EBF1: variants seen among roughly 807,000 people sequenced by gnomAD.
EBF1 encodes the protein EBF transcription factor 1.
In EBF1, 10 loss-of-function variants were observed where a neutral mutation model predicts 68.4. The ratio of observed to expected loss-of-function variants is 0.15; its 90% CI spans 0.09 to 0.25. The LOEUF is 0.25. Ranked by LOEUF, EBF1 falls within the 10% of genes least tolerant of loss-of-function variation. EBF1 has a pLI of 1.00. For synonymous variants in EBF1, 298 were observed against 299.8 expected (o/e 0.99, Z 0.06); for missense variants, 509 against 794.4 (o/e 0.64, Z 4.32).
At chr5:159,017,970 C>T (rs557832353) in intron 6 of EBF1, among the ~76,000 whole-genome samples, 14 of 152,170 alleles carry the variant, frequency 9.2e-5, no homozygotes, top group Non-Finnish European at 1.8e-4. Flanking sequence ...GGTCTCTCTG[C>T]GGCTCCCATT....
At chr5:159,022,407 G>C (rs759334721) in intron 6 of EBF1, among the ~76,000 whole-genome samples, 2 of 152,186 alleles carry the variant, frequency 1.3e-5, no homozygotes, top group African/African-American at 2.4e-5. Context: ...GTCAGGCCTC[G>C]GGGTAAAGTG....
At chr5:158,998,887 G>A (rs1425583691) in intron 6 of EBF1, among the ~76,000 whole-genome samples, 6 of 151,984 alleles carry the variant, frequency 3.9e-5, no homozygotes, top group Admixed American at 6.6e-5. Context: ...CAACTGTGCC[G>A]GATCGCGATG....
intron 6 of EBF1, among the ~76,000 whole-genome samples, chr5:159,000,776 C>A (rs1202672530): frequency 7.9e-5 from 12 of 151,970 alleles, no homozygotes; most frequent in African/African-American, 2.9e-4. Context: ...CTCAGTGAAC[C>A]AATATTTTTC....
At chr5:158,899,802 T>C (rs1802904014) in intron 6 of EBF1, among the ~76,000 whole-genome samples, 1 of 152,130 alleles carries the variant, frequency 6.6e-6, no homozygotes, top group Non-Finnish European at 1.5e-5. Flanking sequence ...GTCAGAGCCA[T>C]GTGTTTTAGG....
chr5:159,041,480 A>G (rs1771192632), intron 6 of EBF1, among the ~76,000 whole-genome samples: 1 of 152,192 alleles, frequency 6.6e-6, no homozygotes, highest in Non-Finnish European at 1.5e-5. Context: ...TATTTTATGT[A>G]TTTCATTTCT....
intron 10 of EBF1, among the ~76,000 whole-genome samples, chr5:158,751,302 C>T (rs1049294784): frequency 3.5e-4 from 53 of 151,890 alleles, no homozygotes; most frequent in African/African-American, 1.2e-3. Flanking sequence ...GAATGAACAA[C>T]TTAGAATGAA....
At chr5:158,854,570 A>T (rs1305493657) in intron 6 of EBF1, among the ~76,000 whole-genome samples, 1 of 152,250 alleles carries the variant, frequency 6.6e-6, no homozygotes. Flanking sequence ...ACCTGTTCAC[A>T]GCTGGATTTC....
chr5:158,823,395 A>G (rs1300855436), intron 7 of EBF1, 78 bp from the exon 8 acceptor site: 2 of 1,398,804 alleles, frequency 1.4e-6, no homozygotes, highest in East Asian at 4.9e-5. Flanking sequence ...TAAATAAATA[A>G]CAGCTGGGAG....
chr5:158,838,104 G>A (rs1789250132), intron 7 of EBF1, among the ~76,000 whole-genome samples: 1 of 152,128 alleles, frequency 6.6e-6, no homozygotes, highest in Non-Finnish European at 1.5e-5. Context: ...AGAACACCAA[G>A]TTTGAAGTCA....
intron 11 of EBF1, among the ~76,000 whole-genome samples, chr5:158,727,241 C>T (rs528246361): frequency 3.3e-5 from 5 of 152,330 alleles, no homozygotes; most frequent in African/African-American, 7.2e-5. Flanking sequence ...AGCTGACACG[C>T]CTGACGCCAG....
chr5:158,817,426 G>A (rs1448945981), intron 8 of EBF1, among the ~76,000 whole-genome samples: 1 of 152,084 alleles, frequency 6.6e-6, no homozygotes, highest in Non-Finnish European at 1.5e-5. Flanking sequence ...ATTATTGTGG[G>A]AGTGGGTTAG....
chr5:158,712,373 C>A, intron 13 of EBF1, 40 bp from the exon 14 acceptor site: 3 of 1,603,408 alleles, frequency 1.9e-6, no homozygotes. Flanking sequence ...GGGTGGCATT[C>A]AGATGGTGGC....
chr5:159,087,366 AT>A (rs1780874066), intron 4 of EBF1, among the ~76,000 whole-genome samples: 2 of 142,308 alleles, frequency 1.4e-5, no homozygotes, highest in South Asian at 2.2e-4. Flanking sequence ...ACATATATAT[AT>A]ACACACATAT....
intron 8 of EBF1, among the ~76,000 whole-genome samples, chr5:158,821,004 A>G (rs973759608): frequency 2.0e-5 from 3 of 152,188 alleles, no homozygotes; most frequent in African/African-American, 7.2e-5. Flanking sequence ...AAACTGGAAC[A>G]TCTGGCCCCA....
chr5:159,060,537 C>T (rs1337329686), intron 6 of EBF1, among the ~76,000 whole-genome samples: 5 of 152,136 alleles, frequency 3.3e-5, no homozygotes, highest in Non-Finnish European at 5.9e-5. Flanking sequence ...TTCTCATAAC[C>T]GAATATCTAT....
chr5:158,745,691 T>G (rs1259732467), intron 10 of EBF1, among the ~76,000 whole-genome samples: 2 of 152,172 alleles, frequency 1.3e-5, no homozygotes, highest in African/African-American at 4.8e-5. Context: ...GAAATTGCCA[T>G]GTGGATATAA....
intron 15 of EBF1, among the ~76,000 whole-genome samples, chr5:158,702,743 CAAAAAAAAAAAAAAAAAA>C (rs58496050): frequency 1.6e-3 from 65 of 41,626 alleles, no homozygotes; most frequent in Non-Finnish European, 2.0e-3. Context: ...GACTCCTTCT[CAAAAAAAAAAAAAAAAAA>C]AAAAAAAAAA....
At chr5:158,837,844 A>G (rs1317398260) in intron 7 of EBF1, among the ~76,000 whole-genome samples, 1 of 152,196 alleles carries the variant, frequency 6.6e-6, no homozygotes, top group Non-Finnish European at 1.5e-5. Context: ...TACATTAGGC[A>G]TTAGACATGT....
chr5:159,088,532 G>C (rs771081734), intron 4 of EBF1, among the ~76,000 whole-genome samples: 2 of 152,176 alleles, frequency 1.3e-5, no homozygotes, highest in Non-Finnish European at 2.9e-5. Context: ...GAGTAAAGCT[G>C]GTTGGGGTTG....
Sources: gnomAD v4.1 joint callset for allele counts (sites outside exome capture counted in the v4.1 genomes callset) on GRCh38, gnomAD v4.1.1 for gene constraint, MANE v1.5 for transcripts, NCBI Gene and HGNC (gene_info 2026-07-23, HGNC 2026-07-21) for gene names.